KCNN3: variants seen among roughly 807,000 people sequenced by gnomAD.
The protein encoded by KCNN3 is potassium calcium-activated channel subfamily N member 3.
A neutral mutation model predicts 62.9 loss-of-function variants in KCNN3; 16 were observed. That is an observed-to-expected ratio of 0.25 (90% CI 0.17 to 0.39). The LOEUF (loss-of-function observed/expected upper bound fraction) is 0.39. KCNN3 is among the 10% of genes least tolerant of loss of function. KCNN3 has a pLI of 1.00. For missense variants in KCNN3, 599 were observed against 949.4 expected, an observed-to-expected ratio of 0.63 and a Z score of 4.85; for synonymous variants, 370 against 389.2, an observed-to-expected ratio of 0.95 and a Z score of 0.58.
rs1571341853 is a variant in KCNN3, at chr1:154,854,975, TGAGAGGCCAAGGCGGGTGGATCAC to T, written c.933+14033_933+14056del. 4.6e-5 allele frequency among the ~76,000 whole-genome samples: 7 copies of T among 152,300 alleles called. No homozygotes were observed. In the East Asian group the frequency reaches 1.2e-3, roughly 25 times the overall value. On this transcript the variant is annotated intron_variant, in intron 1 of 7. Coordinates refer to ENST00000271915, the MANE Select transcript of KCNN3 (RefSeq NM_002249.6). ...GCTCATGCCTGTCATCCCAGCACTT[TGAGAGGCCAAGGCGGGTGGATCAC>T]TTGAGGTCAGGAGTTTGAGACTAGC...
intron 2 of KCNN3, among the ~76,000 whole-genome samples, chr1:154,814,069 G>C (rs1229028354): frequency 6.6e-6 from 1 of 152,250 alleles, no homozygotes; most frequent in Admixed American, 6.5e-5. Flanking sequence ...GCCTCCCAGA[G>C]AGTGGCAGGG....
intron 1 of KCNN3, among the ~76,000 whole-genome samples, chr1:154,824,209 G>T (rs968020071): frequency 2.6e-5 from 4 of 151,970 alleles, no homozygotes; most frequent in African/African-American, 9.7e-5. Flanking sequence ...TATGGGAAAA[G>T]GTCTCCATTA....
intron 3 of KCNN3, among the ~76,000 whole-genome samples, chr1:154,752,774 A>G (rs901002383): frequency 2.0e-5 from 3 of 152,192 alleles, no homozygotes; most frequent in Admixed American, 2.0e-4. Context: ...ACTCCACACT[A>G]TGGTGGGGGA....
rs774384644 is a variant in KCNN3 at position 154,708,007 on chromosome 1, G to A, written c.2165C>T (p.Pro722Leu). The change falls in exon 8 of 8, where the codon CCG becomes CTG. Residue 722 changes from proline to leucine, a missense_variant. Pro to Leu is a moderately conservative substitution (Grantham distance 98). This residue lies in a region of KCNN3 where 52 missense variants were observed against 53.3 expected (regional missense o/e 0.98). Coordinates refer to ENST00000271915, the MANE Select transcript of KCNN3 (RefSeq NM_002249.6). ...SPIGVSSTSF[P>L]TPYTSSSSC Reference sequence around the variant, plus strand: ...ACTGCTTGAACTTGTGTACGGGGTCGGGAAGGAGGTGGAGCTGACCCCAAT... The same window carrying A: ...ACTGCTTGAACTTGTGTACGGGGTCAGGAAGGAGGTGGAGCTGACCCCAAT... The A allele has an allele frequency of 1.9e-6, 3 of 1,613,552 alleles. No individual in the cohort carries two copies. The highest frequency in any genetic ancestry group is 1.7e-5 in the Admixed American group (1 of 59,932).
intron 2 of KCNN3, among the ~76,000 whole-genome samples, chr1:154,804,977 T>C (rs1218449354): frequency 6.6e-6 from 1 of 152,134 alleles, no homozygotes; most frequent in African/African-American, 2.4e-5. Flanking sequence ...AAAGACTCTA[T>C]AGAAATATAG....
At chr1:154,757,424 T>A (rs1214318361) in intron 3 of KCNN3, among the ~76,000 whole-genome samples, 2 of 152,020 alleles carry the variant, frequency 1.3e-5, no homozygotes, top group African/African-American at 4.8e-5. Context: ...GGAACAAGGG[T>A]GCAAGTTGCT....
chr1:154,829,104 G>A (rs1571317363), intron 1 of KCNN3, among the ~76,000 whole-genome samples: 2 of 152,168 alleles, frequency 1.3e-5, no homozygotes, highest in Admixed American at 6.5e-5. Context: ...CACCATCATC[G>A]CCCCGTCACC....
In KCNN3 at chr1:154,772,704, G is replaced by C. The variant is rs1648615328; in HGVS notation, c.1030-311C>G. Among the ~76,000 whole-genome samples, 1 of 152,192 alleles carries C rather than the reference G, an allele frequency of 6.6e-6. No homozygotes were observed. Among genetic ancestry groups the C allele is most frequent in the Admixed American group, 6.5e-5 (1 of 15,272 alleles). ...AAATAATGTACTTGGTCTTTATCCT[G>C]GTTTAGGCACAGTTCCCAAAACGCT... On this transcript the variant is annotated intron_variant, in intron 2 of 7. Coordinates refer to ENST00000271915, the MANE Select transcript of KCNN3 (RefSeq NM_002249.6). The surrounding 1 kb of genome is among the most constrained non-coding windows in gnomAD (Gnocchi z 5.6).
At chr1:154,733,282 CT>C in intron 3 of KCNN3, 138 bp from the exon 4 acceptor site, 1 of 895,936 alleles carries the variant, frequency 1.1e-6, no homozygotes, top group Non-Finnish European at 1.8e-6. Flanking sequence ...ACACAGATCT[CT>C]TTAGGCTACT....
intron 4 of KCNN3, among the ~76,000 whole-genome samples, chr1:154,731,580 C>A (rs899592669): frequency 2.6e-5 from 4 of 152,216 alleles, no homozygotes; most frequent in Non-Finnish European, 5.9e-5. Flanking sequence ...TCACTCAGAC[C>A]CTGCAGGAAG....
chr1:154,755,617 GGGAA>G (rs1353346866), intron 3 of KCNN3, among the ~76,000 whole-genome samples: 1 of 120,798 alleles, frequency 8.3e-6, no homozygotes, highest in Non-Finnish European at 1.8e-5. Context: ...GAGGGAGGGA[GGGAA>G]GGAAGGAAAG....
intron 2 of KCNN3, among the ~76,000 whole-genome samples, chr1:154,801,796 G>A (rs922078422): frequency 2.0e-5 from 3 of 152,288 alleles, no homozygotes; most frequent in South Asian, 2.1e-4. Flanking sequence ...TGACACCCCC[G>A]GAGGATGCAC....
intron 2 of KCNN3, among the ~76,000 whole-genome samples, chr1:154,793,447 T>C (rs1337751777): frequency 6.6e-6 from 1 of 152,158 alleles, no homozygotes. Flanking sequence ...CAGACCCCAA[T>C]GCAGCCTAGA....
intron 4 of KCNN3, among the ~76,000 whole-genome samples, chr1:154,731,679 C>A (rs140367146): frequency 3.3e-5 from 5 of 151,980 alleles, no homozygotes; most frequent in Non-Finnish European, 5.9e-5. Context: ...ACGGGGGTGA[C>A]AAATGGAATC....
At chr1:154,786,595 C>T (rs1183384744) in intron 2 of KCNN3, among the ~76,000 whole-genome samples, 1 of 152,142 alleles carries the variant, frequency 6.6e-6, no homozygotes, top group Non-Finnish European at 1.5e-5. Flanking sequence ...CAAACACCAA[C>T]ACATAAAAAC....
intron 1 of KCNN3, among the ~76,000 whole-genome samples, chr1:154,844,653 C>A (rs190700980): frequency 8.2e-6 from 1 of 122,150 alleles, no homozygotes; most frequent in Non-Finnish European, 1.8e-5. Flanking sequence ...TCTTACTCAG[C>A]GCCCACAATA....
chr1:154,726,400 G>A (rs1700463260), intron 4 of KCNN3, among the ~76,000 whole-genome samples: 1 of 152,206 alleles, frequency 6.6e-6, no homozygotes, highest in Non-Finnish European at 1.5e-5. Context: ...AGCACACACG[G>A]GCCCTCTCTC....
At chr1:154,727,532 C>T (rs932223473) in intron 4 of KCNN3, among the ~76,000 whole-genome samples, 2 of 152,222 alleles carry the variant, frequency 1.3e-5, no homozygotes, top group Non-Finnish European at 2.9e-5. Context: ...GCTTTCTCCT[C>T]GTTTCCCACA....
rs1651988637 is a variant in KCNN3, at chr1:154,845,002, T to C, written c.934-22818A>G. ...GCCTAGGCAACACAGCCAGACCCCG[T>C]CTCAAAAAACAAAAAAAAGAGAGAG... On this transcript the variant is annotated intron_variant, in intron 1 of 7. Coordinates refer to ENST00000271915, the MANE Select transcript of KCNN3 (RefSeq NM_002249.6). 2.1e-4 allele frequency among the ~76,000 whole-genome samples: 8 copies of C among 38,376 alleles called. No individual in the cohort carries two copies. The South Asian group carries it at 0.019, about 89-fold the overall frequency. The allele number at this position is 38,376 out of a possible 152,430, so 25.2% of individuals were successfully genotyped here.
Sources: allele counts gnomAD v4.1 joint callset (sites outside exome capture counted in the v4.1 genomes callset), GRCh38; gene constraint gnomAD v4.1.1; regional missense constraint gnomAD v4.1.1; non-coding constraint Gnocchi (gnomAD v3.1); transcripts MANE v1.5; gene names NCBI Gene and HGNC (gene_info 2026-07-23, HGNC 2026-07-21).